The following RASSF8 variants were observed in gnomAD, a reference collection of about 807,000 sequenced individuals.
RASSF8 encodes the protein Ras association domain family member 8, also known as ras association domain-containing protein 8.
RASSF8 carries 22 observed loss-of-function variants against 48.5 expected under a neutral mutation model. The observed-to-expected ratio is 0.45, with a 90% CI of 0.32 to 0.65. The LOEUF is 0.65. RASSF8 is among the 30% of genes least tolerant of loss of function. The pLI, the probability that RASSF8 is intolerant of heterozygous loss-of-function variation, is 0.03. For synonymous variants in RASSF8, 127 were observed against 171.5 expected (o/e 0.74, Z 2.03); for missense variants, 418 against 489.2 (o/e 0.85, Z 1.37).
chr12:26,013,322 G>A (rs774852927), intron 2 of RASSF8, among the ~76,000 whole-genome samples: 3 of 152,164 alleles, frequency 2.0e-5, no homozygotes, highest in Non-Finnish European at 4.4e-5. Context: ...AAATTCATAA[G>A]ACACTTTTAA....
intron 2 of RASSF8, among the ~76,000 whole-genome samples, chr12:26,018,574 C>A (rs749195613): frequency 1.3e-5 from 2 of 152,150 alleles, no homozygotes; most frequent in Non-Finnish European, 2.9e-5. Flanking sequence ...ACAACACTTA[C>A]AACTTGGAAT....
At chr12:26,064,383 A>C (rs532407375) in intron 3 of RASSF8, 115 bp from the exon 4 acceptor site, 6 of 1,045,470 alleles carry the variant, frequency 5.7e-6, no homozygotes, top group South Asian at 1.9e-5. Context: ...ACTAGACTCA[A>C]ACTTGACCCT....
chr12:26,079,761 A>G (rs536144458), exon 6 of RASSF8: 1 of 152,324 alleles, frequency 6.6e-6, no homozygotes, highest in Non-Finnish European at 1.5e-5. Context: ...GATAAGAGAT[A>G]GCAAGTGTCA....
chr12:26,035,710 T>G (rs1221891266), intron 2 of RASSF8, among the ~76,000 whole-genome samples: 1 of 145,234 alleles, frequency 6.9e-6, no homozygotes, highest in African/African-American at 2.5e-5. Context: ...AAAGAAATGT[T>G]AACTGTGTGA....
At chr12:26,004,119 G>A (rs1470356573) in intron 2 of RASSF8, among the ~76,000 whole-genome samples, 1 of 152,202 alleles carries the variant, frequency 6.6e-6, no homozygotes, top group Non-Finnish European at 1.5e-5. Flanking sequence ...CAAGGCTGCA[G>A]TGAGTTGTGA....
rs138047260 is a variant in RASSF8, at chr12:25,992,716, A to C, written c.-202-2321A>C. ...GGAGGCACTGGAGGTGGGCCTGGAC[A>C]GCCACGGGAAGGGATGTGAAGGGGT... On this transcript the variant is annotated intron_variant, in intron 1 of 5. Transcript: ENST00000689635. Among the ~76,000 whole-genome samples the C allele has an allele frequency of 2.9e-4, 44 of 152,314 alleles. No individual in the cohort carries two copies. In the East Asian group the frequency reaches 6.9e-3, roughly 24 times the overall value.
At position 26,070,419 on chromosome 12, in the gene RASSF8, T is replaced by C. The variant is rs1276125509; in HGVS notation, c.*1601T>C. The C allele has an allele frequency of 3.0e-6, 3 of 985,232 alleles. No homozygotes were observed. The highest frequency in any genetic ancestry group is 3.6e-6 in the Non-Finnish European group (3 of 829,892). The allele number at this position is 985,232 out of a possible 1,614,324, so 61.0% of individuals were successfully genotyped here. On this transcript the variant is annotated 3_prime_UTR_variant, in exon 6 of 6. Transcript: ENST00000689635. ...TGAAAGTCATAATGCAGAGTTGCCT[T>C]TTCTAGTGCAGCTAAGTGGCGGACC...
chr12:26,075,776 CAAG>C (rs1944066559), downstream of RASSF8, among the ~76,000 whole-genome samples: 1 of 152,098 alleles, frequency 6.6e-6, no homozygotes, highest in Non-Finnish European at 1.5e-5. Flanking sequence ...GCACTTTAAA[CAAG>C]AAACAATCAG....
At position 26,033,671 on chromosome 12, in the gene RASSF8, C is replaced by T. The variant is rs144769969; in HGVS notation, c.-108-21565C>T. 1.6e-3 allele frequency among the ~76,000 whole-genome samples: 243 copies of T among 151,822 alleles called. 1 individual carries two copies. The highest frequency in any genetic ancestry group is 5.5e-3 in the African/African-American group (229 of 41,382). The stretch of plus-strand genomic sequence containing the variant: ...TCATAGAAAGAAAGAAACGTAGAGC[C>T]AAGTATTGAAATTTTTTAATGGCAT... On this transcript the variant is annotated intron_variant, in intron 2 of 5. Transcript: ENST00000689635.
chr12:26,042,568 A>G (rs1006589626), intron 2 of RASSF8, among the ~76,000 whole-genome samples: 1 of 152,086 alleles, frequency 6.6e-6, no homozygotes, highest in African/African-American at 2.4e-5. Context: ...TGCTTAAGTG[A>G]TAAGGTGTTA....
exon 6 of RASSF8, chr12:26,079,545 C>T (rs879136036): frequency 3.3e-5 from 5 of 151,106 alleles, no homozygotes; most frequent in South Asian, 2.1e-4. Flanking sequence ...GAGCCGAGAT[C>T]GCATTACTGC....
At chr12:26,008,420 A>C (rs1308235847) in intron 2 of RASSF8, among the ~76,000 whole-genome samples, 2 of 152,142 alleles carry the variant, frequency 1.3e-5, no homozygotes, top group African/African-American at 4.8e-5. Context: ...TACTGTGTAA[A>C]TTCTTTGCAA....
intron 3 of RASSF8, among the ~76,000 whole-genome samples, chr12:26,061,963 G>T (rs1423917851): frequency 6.6e-6 from 1 of 152,146 alleles, no homozygotes; most frequent in Non-Finnish European, 1.5e-5. Flanking sequence ...TTCTCAGAGG[G>T]TAGCAGTACC....
At chr12:26,009,799 A>G (rs1451284510) in intron 2 of RASSF8, among the ~76,000 whole-genome samples, 3 of 152,144 alleles carry the variant, frequency 2.0e-5, no homozygotes, top group Non-Finnish European at 4.4e-5. Context: ...GTTTGGTTAG[A>G]TGGTAGGGGC....
Position 26,072,109 on chromosome 12 carries a change from A to G in RASSF8, c.*3291A>G. On this transcript the variant is annotated 3_prime_UTR_variant, in exon 6 of 6. Transcript: ENST00000689635. ...GGCAGATGGACAGTTCCCATTGTGC[A>G]TTGCCTTTGATAAATTTGGCCTTAA... The G allele has an allele frequency of 1.0e-6, 1 of 985,376 alleles. No homozygotes were observed. Among genetic ancestry groups the G allele is most frequent in the Non-Finnish European group, 1.2e-6 (1 of 829,866 alleles). The allele number at this position is 985,376 out of a possible 1,614,324, so 61.0% of individuals were successfully genotyped here.
At chr12:26,047,054 A>T (rs1943387274) in intron 2 of RASSF8, among the ~76,000 whole-genome samples, 1 of 152,210 alleles carries the variant, frequency 6.6e-6, no homozygotes, top group South Asian at 2.1e-4. Context: ...TGAGAGCTTT[A>T]ACGGGAGTTA....
rs943726389 is a variant in RASSF8, at chr12:25,959,084, G to T, written c.-267G>T. 3.3e-5 allele frequency: 5 copies of T among 149,446 alleles called. No individual in the cohort carries two copies. Among genetic ancestry groups the T allele is most frequent in the African/African-American group, 1.2e-4 (5 of 41,120 alleles). 9.3% of individuals were successfully genotyped at this position (149,446 alleles called of 1,614,324 possible). On this transcript the variant is annotated 5_prime_UTR_variant, in exon 1 of 6. Coordinates refer to ENST00000689635, the MANE Select transcript of RASSF8 (RefSeq NM_001394098.1). The stretch of plus-strand genomic sequence containing the variant: ...CGGCCGCGGAGCTCCGGGTGCCGCC[G>T]CGTCCCCAGCGCCCCGGCCGGCCCC...
At chr12:25,999,812 A>C (rs1942214192) in intron 2 of RASSF8, among the ~76,000 whole-genome samples, 3 of 152,172 alleles carry the variant, frequency 2.0e-5, no homozygotes, top group African/African-American at 7.2e-5. Flanking sequence ...AATAATAACC[A>C]GTTTAAAAGT....
At chr12:25,986,241 C>T (rs555176570) in intron 1 of RASSF8, among the ~76,000 whole-genome samples, 3 of 152,140 alleles carry the variant, frequency 2.0e-5, no homozygotes, top group East Asian at 3.9e-4. Context: ...TTCCTCCAGG[C>T]TCCTGCACTT....
Sources: gnomAD v4.1 joint callset for allele counts (sites outside exome capture counted in the v4.1 genomes callset) on GRCh38, gnomAD v4.1.1 for gene constraint, MANE v1.5 for transcripts, NCBI Gene and HGNC (gene_info 2026-07-23, HGNC 2026-07-21) for gene names.